ADAMTS19: variants seen among roughly 807,000 people sequenced by gnomAD.
The protein encoded by ADAMTS19 is ADAM metallopeptidase with thrombospondin type 1 motif 19, also known as A disintegrin and metalloproteinase with thrombospondin motifs 19.
In ADAMTS19, 93 loss-of-function variants were observed where a neutral mutation model predicts 153.3. The observed-to-expected ratio is 0.61, with a 90% confidence interval of 0.51 to 0.72. The LOEUF (loss-of-function observed/expected upper bound fraction) is 0.72, where lower values mean the gene tolerates loss of function less well. Among genes scored for constraint, ADAMTS19 ranks in the 30% least tolerant of loss-of-function variants. The pLI is 0.00. For synonymous variants in ADAMTS19, 600 were observed against 556.6 expected (o/e 1.08, Z -1.10); for missense variants, 1,482 against 1,552.1 (o/e 0.95, Z 0.76).
intron 6 of ADAMTS19, among the ~76,000 whole-genome samples, chr5:129,549,793 CATATATCTATAT>C (rs1752999310): frequency 1.3e-5 from 2 of 148,648 alleles, no homozygotes; most frequent in Admixed American, 1.4e-4. Flanking sequence ...CACACACATA[CATATATCTATAT>C]ATACATATAC....
At chr5:129,675,385 T>G (rs1035344514) in intron 16 of ADAMTS19, among the ~76,000 whole-genome samples, 1 of 152,188 alleles carries the variant, frequency 6.6e-6, no homozygotes, top group African/African-American at 2.4e-5. Context: ...TACACATACG[T>G]TACTCTACCA....
At chr5:129,634,037 G>A (rs1340492575) in intron 10 of ADAMTS19, among the ~76,000 whole-genome samples, 1 of 152,074 alleles carries the variant, frequency 6.6e-6, no homozygotes, top group East Asian at 1.9e-4. Flanking sequence ...GAGTCTATAA[G>A]ATGATATGTT....
intron 2 of ADAMTS19, among the ~76,000 whole-genome samples, chr5:129,480,579 A>G (rs892354008): frequency 1.5e-4 from 23 of 152,152 alleles, no homozygotes; most frequent in Non-Finnish European, 3.1e-4. Flanking sequence ...AATAGGCAAA[A>G]TGCTTGAGCA....
At chr5:129,655,952 C>T (rs1226667564) in intron 14 of ADAMTS19, among the ~76,000 whole-genome samples, 1 of 152,092 alleles carries the variant, frequency 6.6e-6, no homozygotes, top group African/African-American at 2.4e-5. Flanking sequence ...GATATTTTAC[C>T]TATACATATT....
chr5:129,634,281 T>C (rs1325434680), intron 10 of ADAMTS19, among the ~76,000 whole-genome samples: 1 of 152,044 alleles, frequency 6.6e-6, no homozygotes, highest in African/African-American at 2.4e-5. Flanking sequence ...CTCAAAGTAA[T>C]CAGAGATGAC....
rs768765136 is a variant in ADAMTS19 at position 129,679,901 on chromosome 5, A to G, written c.2644A>G (p.Thr882Ala). Residue 882 changes from threonine (T) to alanine (A), a missense_variant, in exon 17 of 23, where the codon ACA becomes GCA. Around this residue, in one of 2 missense-constraint regions of ADAMTS19, gnomAD observed 616 missense variants for 724.4 expected, o/e 0.85. Transcript: ENST00000274487. ...WEKISAKGPTTAPLHLLVLLF... is the reference protein window; with the variant it reads ...WEKISAKGPTAAPLHLLVLLF... ...GAAGATCTCTGCCAAAGGTCCTACT[A>G]CAGCACCTTTACATCTTCTGGTATG... The G allele has an allele frequency of 2.5e-6, 4 of 1,613,504 alleles. No individual in the cohort carries two copies. The highest frequency in any genetic ancestry group is 3.4e-6 in the Non-Finnish European group (4 of 1,179,796).
intron 8 of ADAMTS19, among the ~76,000 whole-genome samples, chr5:129,608,116 G>GTGTGTA (rs377008786): frequency 0.017 from 812 of 47,948 alleles, 44 homozygotes; most frequent in Admixed American, 0.088. Context: ...GTGTGTGTGT[G>GTGTGTA]TATATATATA....
chr5:129,643,072 G>T (rs1752872317), intron 11 of ADAMTS19, among the ~76,000 whole-genome samples: 1 of 152,082 alleles, frequency 6.6e-6, no homozygotes, highest in Non-Finnish European at 1.5e-5. Flanking sequence ...ATGGCTGTTA[G>T]TTGATAGGCA....
At chr5:129,479,423 C>T (rs1750337567) in intron 2 of ADAMTS19, among the ~76,000 whole-genome samples, 1 of 151,824 alleles carries the variant, frequency 6.6e-6, no homozygotes, top group Admixed American at 6.6e-5. Flanking sequence ...GGGAGATTTC[C>T]TAAAAAATAA....
chr5:129,735,572 C>T (rs1182361554), intron 22 of ADAMTS19, among the ~76,000 whole-genome samples: 2 of 151,984 alleles, frequency 1.3e-5, no homozygotes, highest in South Asian at 2.1e-4. Flanking sequence ...CATGGATCTA[C>T]ACCATTAAAC....
At chr5:129,582,820 C>T (rs1581111755) in intron 7 of ADAMTS19, among the ~76,000 whole-genome samples, 1 of 152,012 alleles carries the variant, frequency 6.6e-6, no homozygotes, top group East Asian at 1.9e-4. Flanking sequence ...ATCTGCCTGC[C>T]TCAGCCTCCC....
At chr5:129,651,536 T>C (rs1324547968) in intron 13 of ADAMTS19, among the ~76,000 whole-genome samples, 16 of 152,220 alleles carry the variant, frequency 1.1e-4, no homozygotes, top group Non-Finnish European at 2.4e-4. Context: ...TCTGCTCTCT[T>C]ATTTTTGGGC....
At chr5:129,608,116 G>GTGTATTTATATATA (rs377008786) in intron 8 of ADAMTS19, among the ~76,000 whole-genome samples, 1 of 47,928 alleles carries the variant, frequency 2.1e-5, no homozygotes, top group African/African-American at 5.4e-5. Context: ...GTGTGTGTGT[G>GTGTATTTATATATA]TATATATATA....
intron 11 of ADAMTS19, among the ~76,000 whole-genome samples, chr5:129,646,633 C>A (rs1753077587): frequency 6.6e-6 from 1 of 152,024 alleles, no homozygotes; most frequent in Admixed American, 6.6e-5. Context: ...TGTGTTTAGT[C>A]TTTCATTCAA....
intron 8 of ADAMTS19, among the ~76,000 whole-genome samples, chr5:129,619,272 A>G (rs1751670366): frequency 6.6e-6 from 1 of 152,040 alleles, no homozygotes; most frequent in South Asian, 2.1e-4. Context: ...TTCAAACATT[A>G]TTACTTTCCA....
intron 11 of ADAMTS19, among the ~76,000 whole-genome samples, chr5:129,644,301 G>A (rs1359965921): frequency 6.6e-6 from 1 of 152,114 alleles, no homozygotes; most frequent in African/African-American, 2.4e-5. Context: ...AGAAGCCATC[G>A]TGAAAATAGC....
At chr5:129,513,857 T>C (rs2126733108) in intron 3 of ADAMTS19, among the ~76,000 whole-genome samples, 1 of 152,120 alleles carries the variant, frequency 6.6e-6, no homozygotes, top group East Asian at 1.9e-4. Flanking sequence ...GTTAACCTAT[T>C]GTGCTATCAA....
chr5:129,470,519 G>A (rs1309470079), intron 2 of ADAMTS19, among the ~76,000 whole-genome samples: 1 of 152,218 alleles, frequency 6.6e-6, no homozygotes, highest in Non-Finnish European at 1.5e-5. Context: ...TGCAGCTATA[G>A]TGAACACATC....
intron 7 of ADAMTS19, among the ~76,000 whole-genome samples, chr5:129,561,089 T>C (rs1000573077): frequency 7.9e-5 from 12 of 152,320 alleles, no homozygotes; most frequent in Admixed American, 6.5e-4. Flanking sequence ...ACATCAAATG[T>C]TAGCATAAAG....
Sources: allele counts gnomAD v4.1 joint callset (sites outside exome capture counted in the v4.1 genomes callset), GRCh38; gene constraint gnomAD v4.1.1; regional missense constraint gnomAD v4.1.1; transcripts MANE v1.5; gene names NCBI Gene and HGNC (gene_info 2026-07-23, HGNC 2026-07-21).